Variants in MAGI1 observed in about 807,000 individuals in gnomAD.
MAGI1 encodes membrane-associated guanylate kinase, WW and PDZ domain-containing protein 1.
MAGI1 carries 58 observed loss-of-function variants against 139.9 expected under a neutral mutation model. That is an observed-to-expected ratio of 0.41 (90% CI 0.34 to 0.52). MAGI1 has a LOEUF of 0.52. Among genes scored for constraint, MAGI1 ranks in the 20% least tolerant of loss-of-function variants. The probability of loss-of-function intolerance (pLI) is 0.12; values close to 1 mark genes in which losing one functional copy is unlikely to be tolerated. For synonymous variants in MAGI1, 812 were observed against 737.9 expected (o/e 1.10, Z -1.63); for missense variants, 1,874 against 1,901.6 (o/e 0.99, Z 0.27).
intron 1 of MAGI1, among the ~76,000 whole-genome samples, chr3:65,670,547 T>C (rs957440659): frequency 6.6e-6 from 1 of 152,130 alleles, no homozygotes; most frequent in Admixed American, 6.5e-5. Context: ...GACATAGCCA[T>C]AGACATTATG....
intron 1 of MAGI1, among the ~76,000 whole-genome samples, chr3:65,667,751 A>G (rs531776773): frequency 1.4e-4 from 21 of 152,182 alleles, no homozygotes; most frequent in African/African-American, 5.1e-4. Flanking sequence ...TTTTGTAGCA[A>G]TGGTGTTCTG....
At chr3:65,871,126 T>C (rs532764316) in intron 1 of MAGI1, among the ~76,000 whole-genome samples, 32 of 152,102 alleles carry the variant, frequency 2.1e-4, no homozygotes, top group East Asian at 1.7e-3. Flanking sequence ...TTTCTAGAGA[T>C]GGTGTCTCAC....
chr3:65,643,075 G>A (rs1264040810), intron 1 of MAGI1, among the ~76,000 whole-genome samples: 1 of 152,204 alleles, frequency 6.6e-6, no homozygotes, highest in Admixed American at 6.5e-5. Flanking sequence ...GGCACCTCCA[G>A]TAAACACAGA....
At chr3:65,783,083 A>C (rs1201831598) in intron 1 of MAGI1, among the ~76,000 whole-genome samples, 1 of 152,160 alleles carries the variant, frequency 6.6e-6, no homozygotes, top group Non-Finnish European at 1.5e-5. Flanking sequence ...CACCATCAAG[A>C]AAGTGAAAAG....
chr3:65,365,698 A>G (rs1299270198), intron 18 of MAGI1, among the ~76,000 whole-genome samples: 1 of 152,196 alleles, frequency 6.6e-6, no homozygotes. Context: ...ATGTGGTGTT[A>G]GGTTCCATTA....
chr3:65,383,762 T>C (rs1943239656), intron 14 of MAGI1, 139 bp from the exon 15 acceptor site: 1 of 678,496 alleles, frequency 1.5e-6, no homozygotes, highest in East Asian at 2.7e-5. Flanking sequence ...AGAAACAAAA[T>C]ACTCTGAACA....
chr3:65,793,743 G>T (rs1401492496), intron 1 of MAGI1, among the ~76,000 whole-genome samples: 1 of 152,180 alleles, frequency 6.6e-6, no homozygotes, highest in Non-Finnish European at 1.5e-5. Flanking sequence ...CTGTCCACTA[G>T]TCTCTCCTTT....
chr3:65,537,944 C>T (rs563855241), intron 2 of MAGI1, among the ~76,000 whole-genome samples: 4 of 152,082 alleles, frequency 2.6e-5, no homozygotes, highest in Non-Finnish European at 4.4e-5. Context: ...ATGGTGAAAC[C>T]TCGTCTCTAC....
At chr3:65,861,330 C>T (rs1027831398) in intron 1 of MAGI1, among the ~76,000 whole-genome samples, 2 of 152,122 alleles carry the variant, frequency 1.3e-5, no homozygotes, top group Non-Finnish European at 2.9e-5. Context: ...GGTCCAGTCA[C>T]CACCCCACCC....
intron 2 of MAGI1, among the ~76,000 whole-genome samples, chr3:65,572,748 T>C (rs1470898814): frequency 6.6e-6 from 1 of 152,042 alleles, no homozygotes; most frequent in South Asian, 2.1e-4. Context: ...TATTATTATG[T>C]TCATCTTAAA....
intron 1 of MAGI1, among the ~76,000 whole-genome samples, chr3:65,730,519 C>G (rs1193350463): frequency 6.6e-6 from 1 of 152,168 alleles, no homozygotes. Context: ...AGAGCTGGGT[C>G]GCATATACAA....
intron 1 of MAGI1, among the ~76,000 whole-genome samples, chr3:65,719,017 C>CAAAAA (rs57290579): frequency 8.3e-5 from 8 of 96,364 alleles, no homozygotes; most frequent in East Asian, 3.5e-4. Context: ...ATAACCCTAC[C>CAAAAA]AAAAAAAAAA....
intron 2 of MAGI1, among the ~76,000 whole-genome samples, chr3:65,509,129 A>G (rs940383967): frequency 3.3e-5 from 5 of 152,046 alleles, no homozygotes; most frequent in Admixed American, 2.6e-4. Flanking sequence ...GCAAAGAGTC[A>G]AAGTGTTTAA....
chr3:65,425,838 C>G (rs1462895635), intron 12 of MAGI1, among the ~76,000 whole-genome samples: 1 of 152,056 alleles, frequency 6.6e-6, no homozygotes, highest in East Asian at 1.9e-4. Context: ...GTTACGCTAT[C>G]TACATGAGCC....
chr3:65,528,993 C>A (rs2107833247), intron 2 of MAGI1, among the ~76,000 whole-genome samples: 1 of 152,262 alleles, frequency 6.6e-6, no homozygotes, highest in South Asian at 2.1e-4. Context: ...TTACAGTGAG[C>A]TGAGACTGCA....
intron 1 of MAGI1, among the ~76,000 whole-genome samples, chr3:65,637,556 AAAAGAAAGAAAGAAAGAAAGAAAGAAAG>A (rs60686455): frequency 2.7e-4 from 34 of 127,978 alleles, no homozygotes; most frequent in East Asian, 9.2e-4. Flanking sequence ...TGTCTCCAAA[AAAAGAAAGAAAGAAAGAAAGAAAGAAAG>A]AAAGAAAGAA....
chr3:66,010,908 T>C (rs1218827211), intron 1 of MAGI1, among the ~76,000 whole-genome samples: 1 of 152,180 alleles, frequency 6.6e-6, no homozygotes, highest in Non-Finnish European at 1.5e-5. Context: ...GTACACAGAA[T>C]GCCAGCCAGC....
chr3:65,924,244 A>T (rs928567677), intron 1 of MAGI1, among the ~76,000 whole-genome samples: 3 of 152,224 alleles, frequency 2.0e-5, no homozygotes, highest in Non-Finnish European at 2.9e-5. Flanking sequence ...CTAAAGTAGG[A>T]TCACAAGCCC....
intron 1 of MAGI1, among the ~76,000 whole-genome samples, chr3:65,776,717 T>A (rs2038468984): frequency 6.6e-6 from 1 of 152,206 alleles, no homozygotes; most frequent in Non-Finnish European, 1.5e-5. Context: ...ACACACAGAA[T>A]AACCACGAAT....
Sources: gnomAD v4.1 joint callset for allele counts (sites outside exome capture counted in the v4.1 genomes callset) on GRCh38, gnomAD v4.1.1 for gene constraint, MANE v1.5 for transcripts, NCBI Gene and HGNC (gene_info 2026-07-23, HGNC 2026-07-21) for gene names.